The following ASPDH variants were observed in gnomAD, a reference collection of about 807,000 sequenced individuals.
The protein encoded by ASPDH is aspartate dehydrogenase domain containing.
In ASPDH, 25 loss-of-function variants were observed where a neutral mutation model predicts 30.5. The observed-to-expected ratio is 0.82, with a 90% confidence interval of 0.60 to 1.14. The LOEUF is 1.14. Among genes scored for constraint, ASPDH ranks in the 50% most tolerant of loss-of-function variants. ASPDH has a pLI of 0.00. For synonymous variants in ASPDH, 168 were observed against 156.3 expected, an observed-to-expected ratio of 1.07 and a Z score of -0.56; for missense variants, 401 against 381.5, an observed-to-expected ratio of 1.05 and a Z score of -0.43.
rs1980088841 is a variant in ASPDH at position 50,513,484 on chromosome 19, G to A, written c.53-68C>T. The A allele has an allele frequency of 1.4e-6, 2 of 1,417,502 alleles. No homozygotes were observed. The highest frequency in any genetic ancestry group is 3.0e-5 in the South Asian group (2 of 66,104). The allele number at this position is 1,417,502 out of a possible 1,614,324, so 87.8% of individuals were successfully genotyped here. A position where few individuals can be genotyped will look rare whatever the true frequency, so the allele number is the denominator to read the frequency against. ...GGGACAGAGACCCAGAGAGAGAGGA[G>A]GTGGGGACAGAGACCCAGAGAGAGA... On this transcript the variant is annotated intron_variant, in intron 1 of 6. Transcript: ENST00000389208. The surrounding 1 kb of genome is among the most constrained non-coding windows in gnomAD (Gnocchi z 4.9).
chr19:50,514,840 G>GT, upstream of ASPDH: 1 of 1,291,156 alleles, frequency 7.7e-7, no homozygotes, highest in South Asian at 1.7e-5. Flanking sequence ...AGAGCCCCAA[G>GT]TTGACGGGAG....
rs1484052997 is a variant in ASPDH at position 50,512,155 on chromosome 19, G to A, written c.789C>T (p.Ala263=). 3.8e-6 allele frequency: 6 copies of A among 1,572,934 alleles called. No homozygotes were observed. The highest frequency in any genetic ancestry group is 3.4e-5 in the South Asian group (3 of 87,250). ...CCGCACCCAGGAGGCTCTGCCAGAAGGCCGTGACGGTGGCGGAGCCGGTGA... is the reference window on the plus strand; with the variant it reads ...CCGCACCCAGGAGGCTCTGCCAGAAAGCCGTGACGGTGGCGGAGCCGGTGA... ...GAVTGSATVT[A]FWQSLLACCQ... is the part of the protein sequence containing the mutation. The change falls in exon 6 of 7, where the codon GCC becomes GCT. Residue 263 remains alanine (A), a synonymous_variant. Transcript: ENST00000389208.
In ASPDH at chr19:50,513,676, G is replaced by C. The variant is rs1980097811; in HGVS notation, c.52+96C>G. On this transcript the variant is annotated intron_variant, in intron 1 of 6. Transcript: ENST00000389208. This position sits in a 1 kb window ranked among gnomAD's most constrained non-coding sequence, Gnocchi z 4.9. ...AGACCCAGAGACACAGCCAGGGGCA[G>C]ATAGAGAGAGAAAAAAGTGTTTGTG... The C allele has an allele frequency of 2.0e-6, 2 of 983,202 alleles. No homozygotes were observed. The highest frequency in any genetic ancestry group is 2.6e-5 in the East Asian group (1 of 38,086). 60.9% of individuals were successfully genotyped at this position (983,202 alleles called of 1,614,324 possible).
At position 50,513,426 on chromosome 19, in the gene ASPDH, G is replaced by A; in HGVS notation, c.53-10C>T. On this transcript the variant is annotated splice_polypyrimidine_tract_variant and intron_variant, in intron 1 of 6. Coordinates refer to ENST00000389208, the MANE Select transcript of ASPDH (RefSeq NM_001114598.2). The surrounding 1 kb of genome is among the most constrained non-coding windows in gnomAD (Gnocchi z 4.9). ...GAGACGAGGGACTGTCCTGGGGAGA[G>A]GGAAAGGAGAGGGCTAGAGATCCAG... The A allele has an allele frequency of 6.8e-7, 1 of 1,475,876 alleles. No homozygotes were observed. The highest frequency in any genetic ancestry group is 1.4e-5 in the South Asian group (1 of 70,560). The allele number at this position is 1,475,876 out of a possible 1,614,324, so 91.4% of individuals were successfully genotyped here.
At chr19:50,512,086 C>A in intron 6 of ASPDH, 50 bp downstream of exon 6, 1 of 1,450,090 alleles carries the variant, frequency 6.9e-7, no homozygotes, top group South Asian at 1.3e-5. Flanking sequence ...GACCCCCAAG[C>A]TCTGCAGAAC....
In ASPDH at chr19:50,512,498, C is replaced by T. The variant is rs773188923; in HGVS notation, c.515G>A (p.Cys172Tyr). The T allele has an allele frequency of 1.3e-6, 2 of 1,570,388 alleles. No homozygotes were observed. Among genetic ancestry groups the T allele is most frequent in the Admixed American group, 3.6e-5 (2 of 55,428 alleles). The change falls in exon 5 of 7, where the codon TGC becomes TAC. Residue 172 changes from cysteine to tyrosine, a missense_variant. By Grantham distance (194) the Cys-to-Tyr change is radical. Transcript: ENST00000389208. ...PLAAAHSPGP[C>Y]TVLYEGPVRG... ...GACAGGGCCTTCGTAGAGCACAGTG[C>T]AAGGCCCAGGGCTGTGGGCTGCAGC... is the stretch of plus-strand genomic sequence containing the variant.
chr19:50,513,539 T>C lies in ASPDH; in HGVS notation c.53-123A>G, dbSNP rs1601360615. The C allele has an allele frequency of 1.7e-5, 17 of 1,022,240 alleles. No homozygotes were observed. In the Middle Eastern group the frequency reaches 1.2e-3, roughly 71 times the overall value. The allele number at this position is 1,022,240 out of a possible 1,614,324, so 63.3% of individuals were successfully genotyped here. A position where few individuals can be genotyped will look rare whatever the true frequency, so the allele number is the denominator to read the frequency against. On this transcript the variant is annotated intron_variant, in intron 1 of 6. Coordinates refer to ENST00000389208, the MANE Select transcript of ASPDH (RefSeq NM_001114598.2). The surrounding 1 kb of genome is among the most constrained non-coding windows in gnomAD (Gnocchi z 4.9). ...GTGGGGACAGACTCAGATTGCGGGG[T>C]AGGGAGACAGAGATGGGGGCAGGGC...
chr19:50,512,237 G>T lies in ASPDH; in HGVS notation c.707C>A (p.Thr236Lys). 1.2e-6 allele frequency: 2 copies of T among 1,612,362 alleles called. No individual in the cohort carries two copies. The highest frequency in any genetic ancestry group is 1.7e-6 in the Non-Finnish European group (2 of 1,179,644). ...GGTGTGCACAGCAAAGCTTCGGCCC[G>T]TGGGGCCCCGGGGTCCGCTCAGCTC... ...DVELSGPRGPTGRSFAVHTRR... is the reference protein window; with the variant it reads ...DVELSGPRGPKGRSFAVHTRR... Residue 236 changes from threonine (T) to lysine (K), a missense_variant, in exon 6 of 7, where the codon ACG becomes AAG. Coordinates refer to ENST00000389208, the MANE Select transcript of ASPDH (RefSeq NM_001114598.2).
intron 6 of ASPDH, 166 bp from the exon 7 acceptor site, chr19:50,511,939 A>G: frequency 1.3e-6 from 1 of 794,666 alleles, no homozygotes; most frequent in Non-Finnish European, 1.9e-6. Flanking sequence ...GAGAGTCTCG[A>G]TCAGAGGCGG....
rs1303674158 is a variant in ASPDH at position 50,511,620 on chromosome 19, A to T, written c.*110T>A. 1 of 590,832 alleles carries T rather than the reference A, an allele frequency of 1.7e-6. No homozygotes were observed. The highest frequency in any genetic ancestry group is 4.1e-5 in the Admixed American group (1 of 24,560). The allele number at this position is 590,832 out of a possible 1,614,324, so 36.6% of individuals were successfully genotyped here. A position where few individuals can be genotyped will look rare whatever the true frequency, so the allele number is the denominator to read the frequency against. ...GGCGGTGCGGGGGGAGGCAGCGGTG[A>T]TCTTTACTGAGTCAGAAGGGAGACC... On this transcript the variant is annotated 3_prime_UTR_variant, in exon 7 of 7. Coordinates refer to ENST00000389208, the MANE Select transcript of ASPDH (RefSeq NM_001114598.2).
Position 50,513,635 on chromosome 19 carries a change from T to G in ASPDH, c.52+137A>C. The G allele has an allele frequency of 5.2e-6, 4 of 768,588 alleles. No individual in the cohort carries two copies. Among genetic ancestry groups the G allele is most frequent in the African/African-American group, 1.8e-5 (1 of 55,598 alleles). 47.6% of individuals were successfully genotyped at this position (768,588 alleles called of 1,614,324 possible). ...AGACGGAGAGGACAGAGACCTGGGG[T>G]GGGGGTGCAGTGGGCAGACCCAGAG... On this transcript the variant is annotated intron_variant, in intron 1 of 6. Coordinates refer to ENST00000389208, the MANE Select transcript of ASPDH (RefSeq NM_001114598.2). This position sits in a 1 kb window ranked among gnomAD's most constrained non-coding sequence, Gnocchi z 4.9.
upstream of ASPDH, chr19:50,514,760 T>G (rs59965530): frequency 0.14 from 160,858 of 1,182,988 alleles, 10,727 homozygotes; most frequent in South Asian, 0.17. Flanking sequence ...GGATTGGCGC[T>G]GGAAGGAGGC....
upstream of ASPDH, chr19:50,514,472 G>T (rs886790953): frequency 6.8e-6 from 11 of 1,613,986 alleles, no homozygotes; most frequent in African/African-American, 1.1e-4. Flanking sequence ...TCATCCTTCA[G>T]TTCACCTTGA....
Position 50,512,219 on chromosome 19 carries a change from A to AC in ASPDH, c.724dup (p.Val242GlyfsTer76). 1 of 1,611,546 alleles carries AC rather than the reference A, an allele frequency of 6.2e-7. No individual in the cohort carries two copies. ...GGCAGGGTTCTCTCTGCGGGTGTGC[A>AC]CAGCAAAGCTTCGGCCCGTGGGGCC... On this transcript the variant is annotated frameshift_variant, in exon 6 of 7. Coordinates refer to ENST00000389208, the MANE Select transcript of ASPDH (RefSeq NM_001114598.2). LOFTEE classifies it high-confidence loss of function.
chr19:50,513,645 G>A lies in ASPDH; in HGVS notation c.52+127C>T. On this transcript the variant is annotated intron_variant, in intron 1 of 6. Coordinates refer to ENST00000389208, the MANE Select transcript of ASPDH (RefSeq NM_001114598.2). The surrounding 1 kb of genome is among the most constrained non-coding windows in gnomAD (Gnocchi z 4.9). Reference sequence around the variant, plus strand: ...GACAGAGACCTGGGGTGGGGGTGCAGTGGGCAGACCCAGAGACACAGCCAG... The same window carrying A: ...GACAGAGACCTGGGGTGGGGGTGCAATGGGCAGACCCAGAGACACAGCCAG... 2 of 822,532 alleles carry A rather than the reference G, an allele frequency of 2.4e-6. No homozygotes were observed. Among genetic ancestry groups the A allele is most frequent in the Non-Finnish European group, 3.9e-6 (2 of 511,790 alleles). The allele number at this position is 822,532 out of a possible 1,614,324, so 51.0% of individuals were successfully genotyped here. A position where few individuals can be genotyped will look rare whatever the true frequency, so the allele number is the denominator to read the frequency against.
chr19:50,511,778 G>T lies in ASPDH; in HGVS notation c.809-5C>A. 14 of 1,316,970 alleles carry T rather than the reference G, an allele frequency of 1.1e-5. No individual in the cohort carries two copies. Among genetic ancestry groups the T allele is most frequent in the Non-Finnish European group, 1.4e-5 (14 of 1,027,928 alleles). 81.6% of individuals were successfully genotyped at this position (1,316,970 alleles called of 1,614,324 possible). A position where few individuals can be genotyped will look rare whatever the true frequency, so the allele number is the denominator to read the frequency against. On this transcript the variant is annotated splice_region_variant and splice_polypyrimidine_tract_variant and intron_variant, in intron 6 of 6. Coordinates refer to ENST00000389208, the MANE Select transcript of ASPDH (RefSeq NM_001114598.2). ...TGGAGGGGAGCTGGCAGCAGGCTGCGGGGAGAGGGGAATGAGCGAATGAGA... is the reference window on the plus strand; with the variant it reads ...TGGAGGGGAGCTGGCAGCAGGCTGCTGGGAGAGGGGAATGAGCGAATGAGA...
In ASPDH at chr19:50,511,694, A is replaced by G; in HGVS notation, c.*36T>C. On this transcript the variant is annotated 3_prime_UTR_variant, in exon 7 of 7. Transcript: ENST00000389208. ...GGTGGGATGGTGGTGGTGAGAGGCC[A>G]GGCAGATGATCTTGTCTCGGGAGGG... The G allele has an allele frequency of 7.0e-6, 9 of 1,277,854 alleles. No homozygotes were observed. The highest frequency in any genetic ancestry group is 2.9e-5 in the South Asian group (1 of 34,514). The allele number at this position is 1,277,854 out of a possible 1,614,324, so 79.2% of individuals were successfully genotyped here.
In ASPDH at chr19:50,512,810, C is replaced by T; in HGVS notation, c.283G>A (p.Val95Met). 1.3e-6 allele frequency: 2 copies of T among 1,598,874 alleles called. No individual in the cohort carries two copies. The highest frequency in any genetic ancestry group is 8.5e-7 in the Non-Finnish European group (1 of 1,172,566). ...TCACTTAGAGCTGAGGGGGACCCCA[C>T]CTGGGGTGGATGAAGGAGGGGAGGG... ...AQILRHANLL[V>M]GSPSALSDQT... is the part of the protein sequence containing the mutation. The change falls in exon 4 of 7, where the codon GTG becomes ATG. Residue 95 changes from valine to methionine, a missense_variant and splice_region_variant. Coordinates refer to ENST00000389208, the MANE Select transcript of ASPDH (RefSeq NM_001114598.2).
chr19:50,514,804 G>A, upstream of ASPDH: 2 of 1,267,174 alleles, frequency 1.6e-6, no homozygotes, highest in South Asian at 3.5e-5. Context: ...GGAGCATGGG[G>A]TGGGGGGGGC....
Sources: allele counts gnomAD v4.1 joint callset, GRCh38; gene constraint gnomAD v4.1.1; non-coding constraint Gnocchi (gnomAD v3.1); transcripts MANE v1.5; gene names NCBI Gene and HGNC (gene_info 2026-07-23, HGNC 2026-07-21).